SNTG1: variants seen among roughly 807,000 people sequenced by gnomAD.
SNTG1 encodes gamma-1-syntrophin.
SNTG1 carries 39 observed loss-of-function variants against 74.7 expected under a neutral mutation model. The observed-to-expected ratio is 0.52, with a 90% CI of 0.40 to 0.68. The LOEUF (loss-of-function observed/expected upper bound fraction) is 0.68, where lower values mean the gene tolerates loss of function less well. Among genes scored for constraint, SNTG1 ranks in the 30% least tolerant of loss-of-function variants. The pLI is 0.00. For synonymous variants in SNTG1, 254 were observed against 217.1 expected (o/e 1.17, Z -1.49); for missense variants, 685 against 609.5 (o/e 1.12, Z -1.30).
intron 2 of SNTG1, among the ~76,000 whole-genome samples, chr8:50,206,479 G>C (rs1423434832): frequency 1.3e-5 from 2 of 152,106 alleles, no homozygotes; most frequent in African/African-American, 4.8e-5. Context: ...GAGACGATGG[G>C]GTTTTCTAAA....
At chr8:50,767,035 G>A (rs1488138543) in intron 18 of SNTG1, among the ~76,000 whole-genome samples, 2 of 151,904 alleles carry the variant, frequency 1.3e-5, no homozygotes, top group African/African-American at 2.4e-5. Flanking sequence ...AAATGTGGAG[G>A]CTGTTACAAC....
intron 4 of SNTG1, among the ~76,000 whole-genome samples, chr8:50,430,812 T>A (rs1185346273): frequency 1.3e-5 from 2 of 152,094 alleles, no homozygotes; most frequent in Non-Finnish European, 2.9e-5. Flanking sequence ...ACAACAGAGA[T>A]GGTAAATCAG....
intron 9 of SNTG1, among the ~76,000 whole-genome samples, chr8:50,526,663 T>C (rs2094222614): frequency 6.6e-6 from 1 of 151,444 alleles, no homozygotes; most frequent in Non-Finnish European, 1.5e-5. Context: ...ATATATATAT[T>C]TTTTTGAGAT....
intron 1 of SNTG1, among the ~76,000 whole-genome samples, chr8:50,168,094 T>G (rs1231839012): frequency 6.6e-6 from 1 of 152,280 alleles, no homozygotes; most frequent in African/African-American, 2.4e-5. Flanking sequence ...TACAATTCCT[T>G]TAATTTGTAT....
chr8:50,215,401 C>CTATATATATATACTATATATATTT (rs2084734881), intron 2 of SNTG1, among the ~76,000 whole-genome samples: 1 of 145,030 alleles, frequency 6.9e-6, no homozygotes, highest in Admixed American at 7.0e-5. Context: ...TGTATATATA[C>CTATATATATATACTATATATATTT]TATATATATA....
intron 12 of SNTG1, among the ~76,000 whole-genome samples, chr8:50,571,266 C>T (rs1195963345): frequency 6.6e-6 from 1 of 152,170 alleles, no homozygotes; most frequent in Non-Finnish European, 1.5e-5. Flanking sequence ...GTTAGCATGG[C>T]CTTCATCACA....
intron 13 of SNTG1, among the ~76,000 whole-genome samples, chr8:50,598,055 TG>T (rs2094743809): frequency 2.0e-5 from 3 of 151,680 alleles, no homozygotes; most frequent in African/African-American, 7.3e-5. Flanking sequence ...TTTTGTTTTT[TG>T]TTTTTTTTTA....
intron 8 of SNTG1, among the ~76,000 whole-genome samples, chr8:50,463,728 C>T (rs1252761650): frequency 1.3e-5 from 2 of 152,152 alleles, no homozygotes; most frequent in African/African-American, 4.8e-5. Context: ...GGTACACAGA[C>T]ATTGGCTTCA....
At chr8:50,632,146 C>G (rs917491591) in intron 13 of SNTG1, among the ~76,000 whole-genome samples, 1 of 151,968 alleles carries the variant, frequency 6.6e-6, no homozygotes, top group East Asian at 1.9e-4. Context: ...GGTCAAAATA[C>G]AGAAGTGTCA....
chr8:50,328,374 GT>G (rs113575406), intron 2 of SNTG1, among the ~76,000 whole-genome samples: 2 of 151,920 alleles, frequency 1.3e-5, no homozygotes, highest in African/African-American at 4.8e-5. Flanking sequence ...TGGTGTATTA[GT>G]TTTTTTTGAT....
At chr8:50,617,378 T>TCA (rs3999830) in intron 13 of SNTG1, among the ~76,000 whole-genome samples, 3,121 of 146,988 alleles carry the variant, frequency 0.021, 52 homozygotes, top group African/African-American at 0.046. Flanking sequence ...AGTAAGCATT[T>TCA]CACACACACA....
chr8:50,278,257 G>A (rs2088229825), intron 2 of SNTG1, among the ~76,000 whole-genome samples: 1 of 152,038 alleles, frequency 6.6e-6, no homozygotes, highest in African/African-American at 2.4e-5. Context: ...TTAAGGAAAG[G>A]TGTAATTTTC....
chr8:50,447,713 G>T (rs1193704884), intron 5 of SNTG1, among the ~76,000 whole-genome samples: 1 of 152,144 alleles, frequency 6.6e-6, no homozygotes. Context: ...GAAGAAATGT[G>T]CATTTTAGTT....
intron 2 of SNTG1, among the ~76,000 whole-genome samples, chr8:50,339,913 G>A (rs2091270050): frequency 6.6e-6 from 1 of 151,440 alleles, no homozygotes; most frequent in Non-Finnish European, 1.5e-5. Context: ...AGTAAACTAT[G>A]TATTGTGTAC....
chr8:50,334,730 A>G (rs1465357837), intron 2 of SNTG1, among the ~76,000 whole-genome samples: 1 of 152,200 alleles, frequency 6.6e-6, no homozygotes, highest in Non-Finnish European at 1.5e-5. Context: ...TTATAAAATA[A>G]TAAAGAAAAA....
intron 2 of SNTG1, among the ~76,000 whole-genome samples, chr8:50,353,729 A>T (rs886239969): frequency 1.3e-5 from 2 of 152,182 alleles, no homozygotes; most frequent in African/African-American, 4.8e-5. Flanking sequence ...ATTTCTTTTC[A>T]TTCATACAAG....
At chr8:50,384,312 T>C (rs2092538596) in intron 2 of SNTG1, among the ~76,000 whole-genome samples, 1 of 152,226 alleles carries the variant, frequency 6.6e-6, no homozygotes, top group Admixed American at 6.5e-5. Flanking sequence ...CTTCATTTTC[T>C]GTGAGGTGAG....
chr8:49,973,287 C>T (rs1483269477), intron 1 of SNTG1, among the ~76,000 whole-genome samples: 4 of 151,610 alleles, frequency 2.6e-5, no homozygotes, highest in Non-Finnish European at 5.9e-5. Flanking sequence ...ACCGCATGTT[C>T]TCACTCATAG....
chr8:50,404,145 C>A (rs1023355600), intron 4 of SNTG1, among the ~76,000 whole-genome samples: 50 of 151,936 alleles, frequency 3.3e-4, no homozygotes, highest in African/African-American at 1.2e-3. Context: ...TACCTACAAG[C>A]AACTAGAAAT....
Sources: gnomAD v4.1 joint callset for allele counts (sites outside exome capture counted in the v4.1 genomes callset) on GRCh38, gnomAD v4.1.1 for gene constraint, MANE v1.5 for transcripts, NCBI Gene and HGNC (gene_info 2026-07-23, HGNC 2026-07-21) for gene names.